Variants in CLEC16A observed in about 807,000 individuals in gnomAD.
CLEC16A encodes protein CLEC16A.
CLEC16A carries 51 observed loss-of-function variants against 109.5 expected under a neutral mutation model. The observed-to-expected ratio is 0.47, with a 90% CI of 0.37 to 0.59. The LOEUF (loss-of-function observed/expected upper bound fraction) is 0.59, where lower values mean the gene tolerates loss of function less well. Ranked by LOEUF, CLEC16A falls within the 20% of genes least tolerant of loss-of-function variation. CLEC16A has a pLI of 0.00. For missense variants in CLEC16A, 1,339 were observed against 1,394.0 expected (o/e 0.96, Z 0.63); for synonymous variants, 673 against 564.2 (o/e 1.19, Z -2.73).
chr16:11,118,341 T>C (rs866124739), intron 19 of CLEC16A, among the ~76,000 whole-genome samples: 17 of 148,954 alleles, frequency 1.1e-4, no homozygotes, highest in Admixed American at 8.1e-4. Context: ...CCTTTTCTCA[T>C]TTAACGCACC....
chr16:10,949,760 G>T (rs2041626538), intron 1 of CLEC16A, among the ~76,000 whole-genome samples: 1 of 152,176 alleles, frequency 6.6e-6, no homozygotes, highest in Non-Finnish European at 1.5e-5. Flanking sequence ...GGGCAGACTG[G>T]AGGTGGGCCT....
intron 11 of CLEC16A, among the ~76,000 whole-genome samples, chr16:11,005,109 C>G (rs1428432999): frequency 6.6e-6 from 1 of 152,202 alleles, no homozygotes; most frequent in Non-Finnish European, 1.5e-5. Context: ...CTCTTTCATT[C>G]CAGTCCTTTT....
chr16:11,088,369 T>C (rs557496721), intron 19 of CLEC16A, among the ~76,000 whole-genome samples: 2 of 152,356 alleles, frequency 1.3e-5, no homozygotes, highest in Non-Finnish European at 1.5e-5. Flanking sequence ...CCAGGGTATC[T>C]GAAATGTTTC....
chr16:11,091,479 A>G (rs2050301257), intron 19 of CLEC16A, among the ~76,000 whole-genome samples: 1 of 152,126 alleles, frequency 6.6e-6, no homozygotes, highest in Admixed American at 6.5e-5. Flanking sequence ...AGCCTTCTGC[A>G]CCTACTGAGT....
At chr16:11,106,189 T>A (rs924252766) in intron 19 of CLEC16A, among the ~76,000 whole-genome samples, 5 of 152,286 alleles carry the variant, frequency 3.3e-5, no homozygotes, top group East Asian at 1.9e-4. Context: ...CCCCAAAAAA[T>A]TTTATTTTGA....
chr16:11,013,505 C>G (rs995151656), intron 11 of CLEC16A, among the ~76,000 whole-genome samples: 7 of 152,174 alleles, frequency 4.6e-5, no homozygotes, highest in African/African-American at 1.7e-4. Context: ...TGGCTCACAC[C>G]TGTAATCCCA....
chr16:11,017,005 G>GA lies in CLEC16A; in HGVS notation c.1304-3188_1304-3187insA, dbSNP rs553303527. On this transcript the variant is annotated intron_variant, in intron 11 of 23. Transcript: ENST00000409790. Reference sequence around the variant, plus strand: ...GGCCCATGTGAATATCGGGGCGGGGGGGGGGGTGCTCCTCCATGCCAAGGG... The same window carrying GA: ...GGCCCATGTGAATATCGGGGCGGGGGAGGGGGGTGCTCCTCCATGCCAAGGG... Among the ~76,000 whole-genome samples, 104 of 127,098 alleles carry GA rather than the reference G, an allele frequency of 8.2e-4. 1 individual carries two copies. In the South Asian group the frequency reaches 9.9e-3, roughly 12 times the overall value. 83.4% of individuals were successfully genotyped at this position (127,098 alleles called of 152,430 possible). A position where few individuals can be genotyped will look rare whatever the true frequency, so the allele number is the denominator to read the frequency against.
At chr16:11,054,874 T>G (rs2152890503) in intron 18 of CLEC16A, among the ~76,000 whole-genome samples, 1 of 152,268 alleles carries the variant, frequency 6.6e-6, no homozygotes, top group East Asian at 1.9e-4. Flanking sequence ...GTTTCAAGTT[T>G]TTTGCTTGTA....
rs554514501 is a variant in CLEC16A at position 11,043,016 on chromosome 16, A to C, written c.1770+653A>C. ...ACATGTGAATATATGTAAATGAAAC[A>C]TCTATTTACATATGTAAATGAAAAT... On this transcript the variant is annotated intron_variant, in intron 15 of 23. Transcript: ENST00000409790. 2.6e-5 allele frequency among the ~76,000 whole-genome samples: 4 copies of C among 152,018 alleles called. No individual in the cohort carries two copies. In the South Asian group the frequency reaches 8.3e-4, roughly 32 times the overall value.
intron 11 of CLEC16A, among the ~76,000 whole-genome samples, chr16:11,019,009 AG>A: frequency 6.6e-6 from 1 of 152,260 alleles, no homozygotes; most frequent in African/African-American, 2.4e-5. Context: ...GTGGCAGAAG[AG>A]GTGGCAGACG....
chr16:11,139,586 C>T (rs765421004), intron 22 of CLEC16A, among the ~76,000 whole-genome samples: 1 of 152,218 alleles, frequency 6.6e-6, no homozygotes, highest in Non-Finnish European at 1.5e-5. Flanking sequence ...CACAAAAACA[C>T]ATTCCAAAAC....
intron 22 of CLEC16A, among the ~76,000 whole-genome samples, chr16:11,134,051 C>A (rs1159283659): frequency 6.6e-6 from 1 of 152,144 alleles, no homozygotes; most frequent in Non-Finnish European, 1.5e-5. Flanking sequence ...TACCATTTTC[C>A]CTTTCAGCAG....
intron 19 of CLEC16A, among the ~76,000 whole-genome samples, chr16:11,082,723 A>G (rs1241307676): frequency 6.6e-6 from 1 of 152,178 alleles, no homozygotes; most frequent in Non-Finnish European, 1.5e-5. Flanking sequence ...TTCTTCCTTT[A>G]AGGCCTAAGA....
chr16:11,014,603 C>A (rs1042196980), intron 11 of CLEC16A, among the ~76,000 whole-genome samples: 7 of 152,166 alleles, frequency 4.6e-5, no homozygotes, highest in Admixed American at 6.5e-5. Context: ...ATCATAAAAG[C>A]AAGCAAATTA....
intron 10 of CLEC16A, 44 bp from the exon 11 acceptor site, chr16:11,003,030 T>G (rs1490850698): frequency 2.0e-6 from 3 of 1,482,414 alleles, no homozygotes; most frequent in Non-Finnish European, 1.8e-6. Flanking sequence ...CCAGCAGGAT[T>G]CTAGTGTTCA....
At chr16:11,078,759 G>A (rs1239710063) in intron 19 of CLEC16A, among the ~76,000 whole-genome samples, 1 of 152,182 alleles carries the variant, frequency 6.6e-6, no homozygotes, top group African/African-American at 2.4e-5. Context: ...ACTTTGAGGG[G>A]CGCTCAAGGG....
At chr16:11,165,100 T>G (rs1036319351) in intron 22 of CLEC16A, among the ~76,000 whole-genome samples, 1 of 152,154 alleles carries the variant, frequency 6.6e-6, no homozygotes, top group African/African-American at 2.4e-5. Flanking sequence ...GGGTCCTGCT[T>G]GGCTCCTAGG....
At chr16:11,069,072 G>A (rs925967518) in intron 19 of CLEC16A, among the ~76,000 whole-genome samples, 1 of 148,720 alleles carries the variant, frequency 6.7e-6, no homozygotes, top group Non-Finnish European at 1.5e-5. Context: ...GCCTCAAATA[G>A]TCCGCCTGCC....
At chr16:11,023,038 A>C (rs975792433) in intron 12 of CLEC16A, among the ~76,000 whole-genome samples, 1 of 150,286 alleles carries the variant, frequency 6.7e-6, no homozygotes, top group African/African-American at 2.4e-5. Flanking sequence ...AGGGGGAAAA[A>C]GTCTTCACTG....
Sources: gnomAD v4.1 joint callset for allele counts (sites outside exome capture counted in the v4.1 genomes callset) on GRCh38, gnomAD v4.1.1 for gene constraint, MANE v1.5 for transcripts, NCBI Gene and HGNC (gene_info 2026-07-23, HGNC 2026-07-21) for gene names.